ADCY1: variants seen among roughly 807,000 people sequenced by gnomAD.
The protein encoded by ADCY1 is adenylate cyclase type 1.
ADCY1 carries 28 observed loss-of-function variants against 105.4 expected under a neutral mutation model. The observed-to-expected ratio is 0.27, with a 90% confidence interval of 0.20 to 0.36. The LOEUF is 0.36. Ranked by LOEUF, ADCY1 falls within the 10% of genes least tolerant of loss-of-function variation. The pLI, the probability that ADCY1 is intolerant of heterozygous loss-of-function variation, is 1.00. For missense variants in ADCY1, 977 were observed against 1,434.2 expected, an observed-to-expected ratio of 0.68 and a Z score of 5.15; for synonymous variants, 655 against 623.8, an observed-to-expected ratio of 1.05 and a Z score of -0.75.
At chr7:45,646,334 A>G (rs1441653911) in intron 4 of ADCY1, among the ~76,000 whole-genome samples, 2 of 152,154 alleles carry the variant, frequency 1.3e-5, no homozygotes, top group Non-Finnish European at 2.9e-5. Context: ...GAGTCCAGTG[A>G]ATGGTCATTC....
chr7:45,656,431 G>A (rs561199963), intron 5 of ADCY1, among the ~76,000 whole-genome samples: 36 of 152,332 alleles, frequency 2.4e-4, no homozygotes, highest in African/African-American at 6.0e-4. Flanking sequence ...GTTTCTGAAC[G>A]TGTGCTGGGA....
intron 5 of ADCY1, among the ~76,000 whole-genome samples, chr7:45,649,868 C>T (rs1046643017): frequency 1.3e-5 from 2 of 152,170 alleles, no homozygotes; most frequent in Non-Finnish European, 2.9e-5. Context: ...CTCAAGAGCC[C>T]GAGGTGGCTG....
chr7:45,660,839 T>TAGGTGAGGGTTCAGGGCTC (rs1795079066), intron 7 of ADCY1, among the ~76,000 whole-genome samples: 1 of 133,372 alleles, frequency 7.5e-6, no homozygotes, highest in Non-Finnish European at 1.6e-5. Context: ...GTGCAGGGCT[T>TAGGTGAGGGTTCAGGGCTC]AGGTGAGGGT....
chr7:45,648,073 C>T (rs746390126), intron 4 of ADCY1, among the ~76,000 whole-genome samples: 18 of 152,234 alleles, frequency 1.2e-4, no homozygotes, highest in Non-Finnish European at 2.5e-4. Context: ...CCCTGTGAGG[C>T]TGGTGCTGCT....
At chr7:45,671,276 T>A (rs879771634) in intron 8 of ADCY1, among the ~76,000 whole-genome samples, 2,229 of 152,336 alleles carry the variant, frequency 0.015, 21 homozygotes, top group Middle Eastern at 0.041. Context: ...TGCCTTCCTT[T>A]CATTGCTAAA....
Position 45,722,421 on chromosome 7 carries a change from G to A in ADCY1, c.*8426G>A, listed in dbSNP as rs1785494435. On this transcript the variant is annotated 3_prime_UTR_variant, in exon 20 of 20. Transcript: ENST00000297323. ...GCTGCAGAGCATCCCTGGGAGCCAA[G>A]GCGAGGCCCGTGGAGCCTGAGCTTT... The A allele has an allele frequency of 6.6e-6, 1 of 152,278 alleles. No individual in the cohort carries two copies. The highest frequency in any genetic ancestry group is 2.1e-4 in the South Asian group (1 of 4,834). The allele number at this position is 152,278 out of a possible 1,614,324, so 9.4% of individuals were successfully genotyped here.
rs562336857 is a variant in ADCY1, at chr7:45,615,418, T to A, written c.908+4921T>A. ...TTCAAGACTAGCCTAGACAACATAG[T>A]AAGACCTCATCTCTAAAAGAAAATT... On this transcript the variant is annotated intron_variant, in intron 3 of 19. Transcript: ENST00000297323. Among the ~76,000 whole-genome samples, 11 of 152,252 alleles carry A rather than the reference T, an allele frequency of 7.2e-5. No individual in the cohort carries two copies. The South Asian group carries it at 2.3e-3, about 32-fold the overall frequency.
At chr7:45,635,273 A>G (rs1003856131) in intron 4 of ADCY1, among the ~76,000 whole-genome samples, 1 of 151,228 alleles carries the variant, frequency 6.6e-6, no homozygotes, top group African/African-American at 2.4e-5. Flanking sequence ...CTTCTCTTTG[A>G]TCATTTTGGC....
intron 2 of ADCY1, among the ~76,000 whole-genome samples, chr7:45,595,113 T>C (rs373910449): frequency 6.6e-6 from 1 of 152,230 alleles, no homozygotes; most frequent in Admixed American, 6.5e-5. Flanking sequence ...TTTTTAGCAG[T>C]GTAAATATGT....
At chr7:45,599,654 T>G (rs1584259514) in intron 2 of ADCY1, among the ~76,000 whole-genome samples, 2 of 146,624 alleles carry the variant, frequency 1.4e-5, no homozygotes, top group African/African-American at 2.5e-5. Flanking sequence ...TGAGGCAGAG[T>G]CTCATTCTGT....
chr7:45,675,834 G>A (rs1437907940), intron 8 of ADCY1, among the ~76,000 whole-genome samples: 2 of 152,102 alleles, frequency 1.3e-5, no homozygotes, highest in South Asian at 2.1e-4. Flanking sequence ...GATGTGTGTT[G>A]GCATCTGTTT....
chr7:45,713,076 G>C (rs1785294677), intron 19 of ADCY1, among the ~76,000 whole-genome samples: 1 of 152,036 alleles, frequency 6.6e-6, no homozygotes, highest in African/African-American at 2.4e-5. Context: ...TGGAAGTCAG[G>C]CTTTGCCCTA....
At position 45,662,265 on chromosome 7, in the gene ADCY1, C is replaced by G. The variant is rs535908242; in HGVS notation, c.1605+51C>G. The G allele has an allele frequency of 1.4e-5, 22 of 1,563,168 alleles. No homozygotes were observed. The African/African-American group carries it at 1.6e-4, about 12-fold the overall frequency. On this transcript the variant is annotated intron_variant, in intron 8 of 19. Transcript: ENST00000297323. ...TGCTGGAGCTGCCAGGGACTGATCT[C>G]TGTCCTGCCCTCCCAATATGGCCCC...
chr7:45,622,281 T>A (rs1474311983), intron 3 of ADCY1, among the ~76,000 whole-genome samples: 1 of 152,062 alleles, frequency 6.6e-6, no homozygotes, highest in African/African-American at 2.4e-5. Context: ...TCGGTGCCGC[T>A]GGCCACATCC....
chr7:45,577,885 A>G (rs1792396567), intron 1 of ADCY1, among the ~76,000 whole-genome samples: 1 of 152,234 alleles, frequency 6.6e-6, no homozygotes, highest in Non-Finnish European at 1.5e-5. Context: ...CTTCTTATCA[A>G]GGATAGCCCT....
intron 8 of ADCY1, among the ~76,000 whole-genome samples, chr7:45,673,262 C>T (rs546461306): frequency 6.6e-6 from 1 of 152,074 alleles, no homozygotes; most frequent in East Asian, 1.9e-4. Flanking sequence ...CTATCTTCGT[C>T]TGGTGTTGGT....
intron 3 of ADCY1, among the ~76,000 whole-genome samples, chr7:45,617,703 A>T (rs1263939387): frequency 1.3e-5 from 2 of 152,226 alleles, no homozygotes; most frequent in East Asian, 3.8e-4. Flanking sequence ...CTACAATAAA[A>T]ACTATAAAAC....
intron 6 of ADCY1, among the ~76,000 whole-genome samples, chr7:45,658,989 G>A (rs985509316): frequency 1.2e-4 from 18 of 152,214 alleles, no homozygotes; most frequent in African/African-American, 4.3e-4. Flanking sequence ...GACAGGAATC[G>A]GCCCCTGTAG....
chr7:45,609,466 G>A (rs1378323391), intron 2 of ADCY1, among the ~76,000 whole-genome samples: 1 of 152,222 alleles, frequency 6.6e-6, no homozygotes, highest in East Asian at 1.9e-4. Context: ...CAGAGGGCGC[G>A]GTGGGAGGGA....
Sources: gnomAD v4.1 joint callset for allele counts (sites outside exome capture counted in the v4.1 genomes callset) on GRCh38, gnomAD v4.1.1 for gene constraint, MANE v1.5 for transcripts, NCBI Gene and HGNC (gene_info 2026-07-23, HGNC 2026-07-21) for gene names.